IRS1: variants seen among roughly 807,000 people sequenced by gnomAD.
IRS1 encodes insulin receptor substrate 1.
Under a neutral mutation model 65.6 loss-of-function variants are expected in IRS1, and 34 were observed. That is an observed-to-expected ratio of 0.52 (90% CI 0.39 to 0.69). The LOEUF (loss-of-function observed/expected upper bound fraction) is 0.69, where lower values mean the gene tolerates loss of function less well. Ranked by LOEUF, IRS1 falls within the 30% of genes least tolerant of loss-of-function variation. IRS1 has a pLI of 0.00. For synonymous variants in IRS1, 699 were observed against 683.5 expected (o/e 1.02, Z -0.35); for missense variants, 1,641 against 1,720.2 (o/e 0.95, Z 0.81).
intron 1 of IRS1, among the ~76,000 whole-genome samples, chr2:226,787,742 C>T (rs969862119): frequency 3.9e-5 from 6 of 152,102 alleles, no homozygotes; most frequent in African/African-American, 1.2e-4. Flanking sequence ...GTCCCCACAA[C>T]CCCTAAAACT....
chr2:226,771,857 A>G (rs775174034), intron 1 of IRS1, among the ~76,000 whole-genome samples: 9 of 152,176 alleles, frequency 5.9e-5, no homozygotes, highest in Non-Finnish European at 1.2e-4. Context: ...TATAAAATGC[A>G]TGTACCTAGC....
At chr2:226,767,428 A>T (rs1939076059) in intron 1 of IRS1, among the ~76,000 whole-genome samples, 1 of 152,256 alleles carries the variant, frequency 6.6e-6, no homozygotes. Flanking sequence ...AATTCTTGAT[A>T]GCTGGAATGT....
At position 226,732,385 on chromosome 2, in the gene IRS1, T is replaced by C. The variant is rs1938237779; in HGVS notation, c.*3887A>G. 6.6e-6 allele frequency: 1 copy of C among 151,682 alleles called. No homozygotes were observed. The highest frequency in any genetic ancestry group is 2.4e-5 in the African/African-American group (1 of 41,268). 9.4% of individuals were successfully genotyped at this position (151,682 alleles called of 1,614,324 possible). ...TAACTGAGCTCACAGTCTAGAGGTCTTTTAGTCTTGGCAAGGTCATATTTC... is the reference window on the plus strand; with the variant it reads ...TAACTGAGCTCACAGTCTAGAGGTCCTTTAGTCTTGGCAAGGTCATATTTC... On this transcript the variant is annotated 3_prime_UTR_variant, in exon 2 of 2. Transcript: ENST00000305123.
rs568193882 is a variant in IRS1 at position 226,799,147 on chromosome 2, C to G, written c.-409G>C. ...TGCGGTGCCCCTCCAGGAGCGCGCG[C>G]GCGCGCGCGCCTTCCCTCCTGAGTT... is the stretch of plus-strand genomic sequence containing the variant. On this transcript the variant is annotated 5_prime_UTR_variant, in exon 1 of 2. Transcript: ENST00000305123. This position sits in a 1 kb window ranked among gnomAD's most constrained non-coding sequence, Gnocchi z 6.1. The G allele has an allele frequency of 6.2e-5, 68 of 1,102,212 alleles. No individual in the cohort carries two copies. The African/African-American group carries it at 1.1e-3, about 18-fold the overall frequency. The allele number at this position is 1,102,212 out of a possible 1,614,324, so 68.3% of individuals were successfully genotyped here. A position where few individuals can be genotyped will look rare whatever the true frequency, so the allele number is the denominator to read the frequency against.
intron 1 of IRS1, among the ~76,000 whole-genome samples, chr2:226,770,903 T>G (rs1391881545): frequency 1.3e-5 from 2 of 152,150 alleles, no homozygotes; most frequent in East Asian, 3.8e-4. Context: ...TTTTTCTCAA[T>G]AAACTGGACT....
chr2:226,783,224 T>C (rs1175971327), intron 1 of IRS1, among the ~76,000 whole-genome samples: 3 of 152,216 alleles, frequency 2.0e-5, no homozygotes, highest in Non-Finnish European at 2.9e-5. Context: ...CTTAAAAAGA[T>C]GCCATCAAGA....
intron 1 of IRS1, among the ~76,000 whole-genome samples, chr2:226,739,511 A>G (rs1376340600): frequency 1.3e-5 from 2 of 152,254 alleles, no homozygotes; most frequent in Admixed American, 6.5e-5. Flanking sequence ...CTTTGGAGAC[A>G]GCCAAAAAGC....
In IRS1 at chr2:226,735,825, T is replaced by C. The variant is rs1267308273; in HGVS notation, c.*447A>G. 6.6e-6 allele frequency: 1 copy of C among 152,638 alleles called. No individual in the cohort carries two copies. Among genetic ancestry groups the C allele is most frequent in the Non-Finnish European group, 1.5e-5 (1 of 68,048 alleles). 9.5% of individuals were successfully genotyped at this position (152,638 alleles called of 1,614,324 possible). On this transcript the variant is annotated 3_prime_UTR_variant, in exon 2 of 2. Coordinates refer to ENST00000305123, the MANE Select transcript of IRS1 (RefSeq NM_005544.3). ...AACCTATGTTAAATATTTAATACTCTCTCCACCCAACGTGAACAGTTTTGT... is the reference window on the plus strand; with the variant it reads ...AACCTATGTTAAATATTTAATACTCCCTCCACCCAACGTGAACAGTTTTGT...
At chr2:226,772,764 A>G (rs1939188802) in intron 1 of IRS1, among the ~76,000 whole-genome samples, 1 of 152,148 alleles carries the variant, frequency 6.6e-6, no homozygotes. Context: ...CAGAACTGAA[A>G]CCTAAAGCTT....
At chr2:226,742,138 C>T (rs919503281) in intron 1 of IRS1, among the ~76,000 whole-genome samples, 7 of 152,182 alleles carry the variant, frequency 4.6e-5, no homozygotes, top group Non-Finnish European at 1.0e-4. Flanking sequence ...CCTCTAAAGT[C>T]TGGGACATGG....
rs373368677 is a variant in IRS1, at chr2:226,797,174, C to G, written c.1565G>C (p.Arg522Pro). Residue 522 changes from arginine (R) to proline (P), a missense_variant, in exon 1 of 2, where the codon CGA (arginine) becomes CCA (proline). Arg to Pro is a moderately radical substitution (Grantham distance 103). This residue lies in a region of IRS1 where 1,324 missense variants were observed against 1,361.0 expected (regional missense o/e 0.97). Transcript: ENST00000305123. This position sits in a 1 kb window ranked among gnomAD's most constrained non-coding sequence, Gnocchi z 8.1. ...ASAADLDNRF[R>P]KRTHSAGTSP... ...TGTGCCTGCCGAGTGAGTTCTCTTT[C>G]GGAACCGATTATCCAGATCTGCAGC... is the stretch of plus-strand genomic sequence containing the variant. 1.9e-6 allele frequency: 3 copies of G among 1,613,978 alleles called. No individual in the cohort carries two copies. The highest frequency in any genetic ancestry group is 1.7e-5 in the Admixed American group (1 of 60,030).
At chr2:226,765,492 C>CCTACAAA (rs1200659776) in intron 1 of IRS1, among the ~76,000 whole-genome samples, 1 of 152,146 alleles carries the variant, frequency 6.6e-6, no homozygotes, top group Non-Finnish European at 1.5e-5. Context: ...TGTGGGGAAT[C>CCTACAAA]GCCAACTTAT....
intron 1 of IRS1, among the ~76,000 whole-genome samples, chr2:226,785,713 T>C (rs1275783489): frequency 6.6e-6 from 1 of 152,204 alleles, no homozygotes; most frequent in African/African-American, 2.4e-5. Flanking sequence ...CCCCTTTCAC[T>C]GTTATGCTAG....
intron 1 of IRS1, among the ~76,000 whole-genome samples, chr2:226,754,201 T>G (rs183765232): frequency 6.6e-6 from 1 of 152,304 alleles, no homozygotes; most frequent in East Asian, 1.9e-4. Flanking sequence ...TAAAGCAATT[T>G]TAATATTGAT....
intron 1 of IRS1, among the ~76,000 whole-genome samples, chr2:226,791,402 G>C (rs1240836077): frequency 1.3e-5 from 2 of 152,192 alleles, no homozygotes; most frequent in African/African-American, 2.4e-5. Context: ...TCGTCACATG[G>C]TTACGGCCTG....
chr2:226,766,836 G>A (rs1027335114), intron 1 of IRS1, among the ~76,000 whole-genome samples: 6 of 152,104 alleles, frequency 3.9e-5, no homozygotes, highest in African/African-American at 1.4e-4. Context: ...CATTCCATAT[G>A]GTAGGATTCG....
chr2:226,742,666 G>C (rs1386586101), intron 1 of IRS1, among the ~76,000 whole-genome samples: 1 of 150,696 alleles, frequency 6.6e-6, no homozygotes, highest in African/African-American at 2.4e-5. Context: ...TTCTGGCAGG[G>C]CTGGTGACTT....
rs146556480 is a variant in IRS1 at position 226,790,579 on chromosome 2, C to T, written c.*21+4410G>A. Among the ~76,000 whole-genome samples, 5 of 152,276 alleles carry T rather than the reference C, an allele frequency of 3.3e-5. No individual in the cohort carries two copies. In the East Asian group the frequency reaches 7.7e-4, roughly 23 times the overall value. On this transcript the variant is annotated intron_variant, in intron 1 of 1. Coordinates refer to ENST00000305123, the MANE Select transcript of IRS1 (RefSeq NM_005544.3). The stretch of plus-strand genomic sequence containing the variant: ...CCACTGCTCAGTAGCAGTTTTGGGT[C>T]ATAACATTTGCACCTGCTTGGTACG...
At position 226,796,326 on chromosome 2, in the gene IRS1, C is replaced by G. The variant is rs1210408874; in HGVS notation, c.2413G>C (p.Asp805His). Residue 805 changes from aspartate to histidine, a missense_variant, in exon 1 of 2, where the codon GAT (aspartate) becomes CAT (histidine). Physicochemically the swap from Asp to His is moderately conservative, Grantham distance 81 (BLOSUM62 -1). Transcript: ENST00000305123. ...CTGCTGGTGGAAGAGGAAGAATCAT[C>G]TGCTGTTGCAGCATAGAGAAGGCGA... The part of the protein sequence containing the change: ...SGRLLYAATA[D>H]DSSSSTSSDS... The G allele has an allele frequency of 6.2e-7, 1 of 1,613,360 alleles. No individual in the cohort carries two copies. The highest frequency in any genetic ancestry group is 1.3e-5 in the African/African-American group (1 of 74,960).
Sources: allele counts gnomAD v4.1 joint callset (sites outside exome capture counted in the v4.1 genomes callset), GRCh38; gene constraint gnomAD v4.1.1; regional missense constraint gnomAD v4.1.1; non-coding constraint Gnocchi (gnomAD v3.1); transcripts MANE v1.5; gene names NCBI Gene and HGNC (gene_info 2026-07-23, HGNC 2026-07-21).